Variants in RIN3 observed in about 807,000 individuals in gnomAD.
The protein encoded by RIN3 is Ras and Rab interactor 3, also known as RAB5 interacting protein 3.
In RIN3, 54 loss-of-function variants were observed where a neutral mutation model predicts 76.3. The observed-to-expected ratio is 0.71, with a 90% CI of 0.57 to 0.89. RIN3 has a LOEUF of 0.89. Among genes scored for constraint, RIN3 ranks in the 40% least tolerant of loss-of-function variants. RIN3 has a pLI of 0.00. For synonymous variants in RIN3, 576 were observed against 564.0 expected (o/e 1.02, Z -0.30); for missense variants, 1,256 against 1,322.1 (o/e 0.95, Z 0.78).
At chr14:92,608,254 T>C (rs951277374) in intron 3 of RIN3, among the ~76,000 whole-genome samples, 7 of 152,234 alleles carry the variant, frequency 4.6e-5, no homozygotes, top group Admixed American at 3.9e-4. Context: ...TTATGACCGA[T>C]GTTACCACTG....
At chr14:92,603,252 A>T (rs1430364056) in intron 3 of RIN3, among the ~76,000 whole-genome samples, 2 of 152,216 alleles carry the variant, frequency 1.3e-5, no homozygotes, top group Non-Finnish European at 2.9e-5. Flanking sequence ...GATCATCAGT[A>T]ACAGCCAGCA....
intron 3 of RIN3, among the ~76,000 whole-genome samples, chr14:92,600,815 A>T (rs531146197): frequency 4.9e-4 from 75 of 152,330 alleles, no homozygotes; most frequent in African/African-American, 1.8e-3. Flanking sequence ...TGTCTTGGGC[A>T]TTGGAGAATG....
At position 92,595,843 on chromosome 14, in the gene RIN3, G is replaced by T. The variant is rs560712447; in HGVS notation, c.367+18366G>T. On this transcript the variant is annotated intron_variant, in intron 3 of 9. Coordinates refer to ENST00000216487, the MANE Select transcript of RIN3 (RefSeq NM_024832.5). ...TGGATGGTAAAGGAAAATACATGTT[G>T]CTCAGTGTCCAGGCAGCCCACCTGG... Among the ~76,000 whole-genome samples the T allele has an allele frequency of 1.2e-4, 19 of 152,308 alleles. No individual in the cohort carries two copies. The South Asian group carries it at 3.7e-3, about 30-fold the overall frequency.
intron 3 of RIN3, among the ~76,000 whole-genome samples, chr14:92,580,254 A>G (rs937279158): frequency 2.6e-5 from 4 of 152,230 alleles, no homozygotes; most frequent in Admixed American, 1.3e-4. Flanking sequence ...CTGTAGTTCC[A>G]GCTACTTGGG....
In RIN3 at chr14:92,643,749, G is replaced by A. The variant is rs1887097189; in HGVS notation, c.532+2420G>A. Among the ~76,000 whole-genome samples the A allele has an allele frequency of 1.3e-5, 2 of 152,290 alleles. No individual in the cohort carries two copies. The highest frequency in any genetic ancestry group is 2.4e-5 in the African/African-American group (1 of 41,554). On this transcript the variant is annotated intron_variant, in intron 5 of 9. Transcript: ENST00000216487. The surrounding 1 kb of genome is among the most constrained non-coding windows in gnomAD (Gnocchi z 4.8). ...TCAAGACCAGCCTGGCCAATATGGTGAAATCTCGTCTCTACTAAAAATATA... is the reference window on the plus strand; with the variant it reads ...TCAAGACCAGCCTGGCCAATATGGTAAAATCTCGTCTCTACTAAAAATATA...
rs1372748517 is a variant in RIN3 at position 92,641,339 on chromosome 14, C to G, written c.532+10C>G. ...GCCAACCTGGGTCTGGGTGAGTCTTCTCCGAGGGGTTAGGGGAGCTGGTGG... is the reference window on the plus strand; with the variant it reads ...GCCAACCTGGGTCTGGGTGAGTCTTGTCCGAGGGGTTAGGGGAGCTGGTGG... On this transcript the variant is annotated intron_variant, in intron 5 of 9. Transcript: ENST00000216487. The G allele has an allele frequency of 6.2e-6, 10 of 1,606,878 alleles. No individual in the cohort carries two copies. The highest frequency in any genetic ancestry group is 8.5e-6 in the Non-Finnish European group (10 of 1,173,564).
chr14:92,526,667 C>T (rs918230118), intron 1 of RIN3, among the ~76,000 whole-genome samples: 2 of 152,070 alleles, frequency 1.3e-5, no homozygotes, highest in Non-Finnish European at 2.9e-5. Flanking sequence ...GCAGGAAAAT[C>T]GCTTGAACCT....
chr14:92,617,192 C>T (rs930519456), intron 4 of RIN3, among the ~76,000 whole-genome samples: 2 of 151,944 alleles, frequency 1.3e-5, no homozygotes, highest in African/African-American at 2.4e-5. Flanking sequence ...CCTAGCTACT[C>T]AGGAGGCTGA....
At chr14:92,584,663 G>A (rs77339508) in intron 3 of RIN3, among the ~76,000 whole-genome samples, 2,628 of 152,272 alleles carry the variant, frequency 0.017, 36 homozygotes, top group Non-Finnish European at 0.029. Context: ...GGATGTATGG[G>A]ATGAAGGGCC....
intron 2 of RIN3, among the ~76,000 whole-genome samples, chr14:92,557,970 T>C (rs1394337912): frequency 2.0e-5 from 3 of 152,232 alleles, no homozygotes. Flanking sequence ...CAGTGGGGGA[T>C]GGTCCCAGGA....
At chr14:92,612,427 A>G (rs2140100298) in intron 3 of RIN3, among the ~76,000 whole-genome samples, 1 of 152,342 alleles carries the variant, frequency 6.6e-6, no homozygotes, top group South Asian at 2.1e-4. Context: ...CTCAAGTCCA[A>G]GGTGTCCCTT....
chr14:92,531,157 A>G (rs1007748186), intron 1 of RIN3, among the ~76,000 whole-genome samples: 28 of 152,316 alleles, frequency 1.8e-4, no homozygotes, highest in African/African-American at 6.5e-4. Context: ...GGGGTGGCTT[A>G]CAAACAGTGG....
chr14:92,642,097 T>C (rs1887037125), intron 5 of RIN3, among the ~76,000 whole-genome samples: 1 of 151,402 alleles, frequency 6.6e-6, no homozygotes. Flanking sequence ...TTTTTCTTTT[T>C]CTTTTCTTTC....
Position 92,568,543 on chromosome 14 carries a change from G to C in RIN3, c.250-8817G>C, listed in dbSNP as rs1012834023. Among the ~76,000 whole-genome samples, 1 of 152,244 alleles carries C rather than the reference G, an allele frequency of 6.6e-6. No individual in the cohort carries two copies. Among genetic ancestry groups the C allele is most frequent in the Non-Finnish European group, 1.5e-5 (1 of 68,050 alleles). On this transcript the variant is annotated intron_variant, in intron 2 of 9. Transcript: ENST00000216487. The surrounding 1 kb of genome is among the most constrained non-coding windows in gnomAD (Gnocchi z 4.2). ...AGCTAAACCTCCCCAGAGAGGAACA[G>C]AACAGACCCTCTGATTCCAGTTGGC...
At position 92,656,937 on chromosome 14, in the gene RIN3, A is replaced by G. The variant is rs1887693290; in HGVS notation, c.2027-2224A>G. ...TGGCCATGAGGACAGAGCTGGTAGTAGAGCTGGGCTTCAGACCCAGGCAGC... is the reference window on the plus strand; with the variant it reads ...TGGCCATGAGGACAGAGCTGGTAGTGGAGCTGGGCTTCAGACCCAGGCAGC... On this transcript the variant is annotated intron_variant, in intron 6 of 9. Transcript: ENST00000216487. This position sits in a 1 kb window ranked among gnomAD's most constrained non-coding sequence, Gnocchi z 5.2. Among the ~76,000 whole-genome samples, 1 of 152,262 alleles carries G rather than the reference A, an allele frequency of 6.6e-6. No homozygotes were observed.
intron 1 of RIN3, among the ~76,000 whole-genome samples, chr14:92,551,697 A>G (rs1897430357): frequency 6.6e-6 from 1 of 152,136 alleles, no homozygotes; most frequent in Non-Finnish European, 1.5e-5. Context: ...TTCCCTAATG[A>G]CTAATGACTT....
chr14:92,591,762 T>C (rs1884986124), intron 3 of RIN3, among the ~76,000 whole-genome samples: 1 of 151,446 alleles, frequency 6.6e-6, no homozygotes, highest in Non-Finnish European at 1.5e-5. Context: ...GAAGGAAAAA[T>C]AAAGACTTTC....
chr14:92,677,188 C>T (rs1888498125), intron 8 of RIN3, among the ~76,000 whole-genome samples: 3 of 152,102 alleles, frequency 2.0e-5, no homozygotes, highest in African/African-American at 7.2e-5. Flanking sequence ...CCCTGTGCTC[C>T]CCAATAGGAT....
At chr14:92,538,682 T>G (rs1046269664) in intron 1 of RIN3, among the ~76,000 whole-genome samples, 4 of 152,070 alleles carry the variant, frequency 2.6e-5, no homozygotes, top group African/African-American at 9.7e-5. Flanking sequence ...AGAACAAGAG[T>G]GCAGAGTTCT....
Sources: allele counts gnomAD v4.1 joint callset (sites outside exome capture counted in the v4.1 genomes callset), GRCh38; gene constraint gnomAD v4.1.1; non-coding constraint Gnocchi (gnomAD v3.1); transcripts MANE v1.5; gene names NCBI Gene and HGNC (gene_info 2026-07-23, HGNC 2026-07-21).